The following ITGA1 variants were observed in gnomAD, a reference collection of about 807,000 sequenced individuals.
The protein encoded by ITGA1 is integrin alpha-1.
In ITGA1, 85 loss-of-function variants were observed where a neutral mutation model predicts 145.9. The observed-to-expected ratio is 0.58, with a 90% CI of 0.49 to 0.70. The LOEUF is 0.70. ITGA1 is among the 30% of genes least tolerant of loss of function. The probability of loss-of-function intolerance (pLI) is 0.00; values close to 1 mark genes in which losing one functional copy is unlikely to be tolerated. For missense variants in ITGA1, 1,351 were observed against 1,418.7 expected, an observed-to-expected ratio of 0.95 and a Z score of 0.77; for synonymous variants, 520 against 495.3, an observed-to-expected ratio of 1.05 and a Z score of -0.66.
At chr5:52,840,467 C>T (rs1022965834) in intron 1 of ITGA1, among the ~76,000 whole-genome samples, 4 of 152,140 alleles carry the variant, frequency 2.6e-5, no homozygotes, top group Non-Finnish European at 5.9e-5. Flanking sequence ...TCCAGGGACC[C>T]CTGAGGTTCT....
chr5:52,928,893 A>AT, intron 20 of ITGA1, among the ~76,000 whole-genome samples: 1 of 152,192 alleles, frequency 6.6e-6, no homozygotes, highest in East Asian at 1.9e-4. Context: ...AACTGGCTTG[A>AT]TTGGGGATTT....
chr5:52,912,701 CTA>C (rs1176839904), intron 14 of ITGA1, among the ~76,000 whole-genome samples: 1 of 133,468 alleles, frequency 7.5e-6, no homozygotes, highest in Non-Finnish European at 1.6e-5. Flanking sequence ...TATAGATACA[CTA>C]TATATATAGT....
At chr5:52,939,287 A>AAAT (rs1751017678) in intron 24 of ITGA1, among the ~76,000 whole-genome samples, 4 of 151,422 alleles carry the variant, frequency 2.6e-5, no homozygotes, top group Non-Finnish European at 5.9e-5. Flanking sequence ...GATTAAGGTA[A>AAAT]TAATGAATGT....
At chr5:52,791,283 C>G (rs2111639825) in intron 1 of ITGA1, among the ~76,000 whole-genome samples, 1 of 152,038 alleles carries the variant, frequency 6.6e-6, no homozygotes, top group East Asian at 1.9e-4. Context: ...CTAGCGCAAG[C>G]AACAGTAGGG....
chr5:52,826,147 C>T (rs1318144190), intron 1 of ITGA1, among the ~76,000 whole-genome samples: 1 of 152,104 alleles, frequency 6.6e-6, no homozygotes, highest in Admixed American at 6.5e-5. Flanking sequence ...AAATTAAGTG[C>T]TACTCCAGTG....
In ITGA1 at chr5:52,887,847, G is replaced by A. The variant is rs150821034; in HGVS notation, c.806G>A (p.Arg269Gln). ...KEAFTEARGARRGVKKVMVIV... is the reference protein window; with the variant it reads ...KEAFTEARGAQRGVKKVMVIV... Reference sequence around the variant, plus strand: ...GCATTCACGGAAGCCCGGGGTGCCCGAAGAGGAGTTAAAAAAGTCATGGTT... The same window carrying A: ...GCATTCACGGAAGCCCGGGGTGCCCAAAGAGGAGTTAAAAAAGTCATGGTT... The change falls in exon 8 of 29, where the codon CGA becomes CAA. Residue 269 changes from arginine (R) to glutamine (Q), a missense_variant. Arg to Gln is a conservative substitution (Grantham distance 43). Transcript: ENST00000282588. The A allele has an allele frequency of 3.4e-4, 551 of 1,613,382 alleles. No homozygotes were observed. The highest frequency in any genetic ancestry group is 4.5e-4 in the Non-Finnish European group (534 of 1,179,620).
intron 1 of ITGA1, among the ~76,000 whole-genome samples, chr5:52,813,196 A>G (rs1580041347): frequency 6.6e-6 from 1 of 152,086 alleles, no homozygotes; most frequent in African/African-American, 2.4e-5. Flanking sequence ...GCTTATGGAA[A>G]CCACAGAAAC....
At chr5:52,800,034 C>T in intron 1 of ITGA1, 1 of 295,122 alleles carries the variant, frequency 3.4e-6, no homozygotes, top group Non-Finnish European at 6.5e-6. Flanking sequence ...GCGGCCCCGC[C>T]TCTCCTTTGG....
intron 6 of ITGA1, among the ~76,000 whole-genome samples, chr5:52,868,435 C>T (rs1422030860): frequency 6.6e-6 from 1 of 152,150 alleles, no homozygotes; most frequent in Non-Finnish European, 1.5e-5. Flanking sequence ...TATGCTCAAG[C>T]TATTCTTCTG....
chr5:52,898,824 G>T (rs939430048), intron 11 of ITGA1, among the ~76,000 whole-genome samples: 1 of 152,142 alleles, frequency 6.6e-6, no homozygotes, highest in Non-Finnish European at 1.5e-5. Context: ...TTTGGGAAAA[G>T]AAAAATGTAT....
In ITGA1 at chr5:52,800,498, T is replaced by C. The variant is rs777164866; in HGVS notation, c.61+12084T>C. ...TGGCACACTTACAACCTCGTGCAGG[T>C]GGGCGACAGCCTGCGCGCCTCCACC... is the stretch of plus-strand genomic sequence containing the variant. On this transcript the variant is annotated intron_variant, in intron 1 of 28. Transcript: ENST00000282588. 7 of 1,613,900 alleles carry C rather than the reference T, an allele frequency of 4.3e-6. No homozygotes were observed. In the Admixed American group the frequency reaches 1.0e-4, roughly 23 times the overall value.
rs1285546508 is a variant in ITGA1, at chr5:52,849,333, C to G, written c.62-32C>G. The G allele has an allele frequency of 1.9e-6, 3 of 1,572,252 alleles. No homozygotes were observed. In the East Asian group the frequency reaches 6.8e-5, roughly 35 times the overall value. On this transcript the variant is annotated intron_variant, in intron 1 of 28. Coordinates refer to ENST00000282588, the MANE Select transcript of ITGA1 (RefSeq NM_181501.2). Reference sequence around the variant, plus strand: ...AAACATGATGGACTCTTAGTTAACTCTATGTAACTGGATTTTGTTTTTCTC... The same window carrying G: ...AAACATGATGGACTCTTAGTTAACTGTATGTAACTGGATTTTGTTTTTCTC...
intron 1 of ITGA1, among the ~76,000 whole-genome samples, chr5:52,843,191 A>G (rs1267006053): frequency 1.3e-5 from 2 of 152,158 alleles, no homozygotes; most frequent in African/African-American, 4.8e-5. Flanking sequence ...ATTCACTGTA[A>G]AAACATAATT....
At chr5:52,792,537 G>A (rs184307166) in intron 1 of ITGA1, among the ~76,000 whole-genome samples, 5 of 152,164 alleles carry the variant, frequency 3.3e-5, no homozygotes, top group Admixed American at 2.6e-4. Context: ...TGAAGCATGA[G>A]CTCTTGGGCC....
Position 52,849,425 on chromosome 5 carries a change from G to C in ITGA1, c.122G>C (p.Gly41Ala). ...VDVKNSMTFSGPVEDMFGYTV... is the reference protein window; with the variant it reads ...VDVKNSMTFSAPVEDMFGYTV... ...GTGAAAAATTCAATGACTTTCAGCG[G>C]CCCGGTGGAAGACATGTTTGGATAT... Residue 41 changes from glycine (G) to alanine (A), a missense_variant, in exon 2 of 29, where the codon GGC becomes GCC. Transcript: ENST00000282588. 6.2e-7 allele frequency: 1 copy of C among 1,611,698 alleles called. No homozygotes were observed. The highest frequency in any genetic ancestry group is 8.5e-7 in the Non-Finnish European group (1 of 1,178,898).
chr5:52,916,111 C>T (rs1750643427), intron 15 of ITGA1, among the ~76,000 whole-genome samples: 1 of 152,142 alleles, frequency 6.6e-6, no homozygotes, highest in Non-Finnish European at 1.5e-5. Flanking sequence ...CAGATACATA[C>T]ATTCATAATG....
chr5:52,905,433 C>A (rs977320573), intron 11 of ITGA1: 1 of 176,578 alleles, frequency 5.7e-6, no homozygotes. Context: ...ACACATATAT[C>A]CAAATGAAAT....
rs1478038408 is a variant in ITGA1, at chr5:52,953,418, A to G, written c.*967A>G. 6.6e-6 allele frequency: 1 copy of G among 152,222 alleles called. No homozygotes were observed. The highest frequency in any genetic ancestry group is 2.4e-5 in the African/African-American group (1 of 41,456). The allele number at this position is 152,222 out of a possible 1,614,324, so 9.4% of individuals were successfully genotyped here. On this transcript the variant is annotated 3_prime_UTR_variant, in exon 29 of 29. Transcript: ENST00000282588. Reference sequence around the variant, plus strand: ...GAAAGAGTTGTCTCAACTCCTTGGTACAGGGTTCATTCAAACCCCCAAGCT... The same window carrying G: ...GAAAGAGTTGTCTCAACTCCTTGGTGCAGGGTTCATTCAAACCCCCAAGCT...
Position 52,929,714 on chromosome 5 carries a change from G to A in ITGA1, c.2771+13G>A. 1.4e-6 allele frequency: 2 copies of A among 1,399,754 alleles called. No homozygotes were observed. Among genetic ancestry groups the A allele is most frequent in the Middle Eastern group, 1.8e-4 (1 of 5,634 alleles). 86.7% of individuals were successfully genotyped at this position (1,399,754 alleles called of 1,614,324 possible). ...TAAGTGCAACAAGGTTGGTTTACAT[G>A]TGTATAAATGTATGTATATGAATGT... On this transcript the variant is annotated intron_variant, in intron 21 of 28. Coordinates refer to ENST00000282588, the MANE Select transcript of ITGA1 (RefSeq NM_181501.2).
Sources: gnomAD v4.1 joint callset for allele counts (sites outside exome capture counted in the v4.1 genomes callset) on GRCh38, gnomAD v4.1.1 for gene constraint, MANE v1.5 for transcripts, NCBI Gene and HGNC (gene_info 2026-07-23, HGNC 2026-07-21) for gene names.